Variants in ZNF17 observed in about 807,000 individuals in gnomAD.
The protein encoded by ZNF17 is zinc finger protein 17 (HPF3, KOX 10).
A neutral mutation model predicts 7.7 loss-of-function variants in ZNF17; 4 were observed. The ratio of observed to expected loss-of-function variants is 0.52; its 90% CI spans 0.26 to 1.20. The LOEUF (loss-of-function observed/expected upper bound fraction) is 1.20. Among genes scored for constraint, ZNF17 ranks in the 50% most tolerant of loss-of-function variants. ZNF17 has a pLI of 0.14. For synonymous variants in ZNF17, 249 were observed against 258.8 expected (o/e 0.96, Z 0.36); for missense variants, 738 against 799.5 (o/e 0.92, Z 0.93).
intron 2 of ZNF17, among the ~76,000 whole-genome samples, 163 bp from the exon 3 acceptor site, chr19:57,417,749 A>G (rs1241380060): frequency 6.6e-6 from 1 of 151,188 alleles, no homozygotes; most frequent in East Asian, 2.0e-4. Flanking sequence ...CAGGAGGCTG[A>G]GGCAGGAGAA....
At chr19:57,411,443 T>C in intron 1 of ZNF17, 37 bp downstream of exon 1, 2 of 1,605,384 alleles carry the variant, frequency 1.2e-6, no homozygotes, top group Non-Finnish European at 1.7e-6. Context: ...GCCCGATCCC[T>C]CCTCCGAGTG....
chr19:57,417,808 C>T (rs1334421609), intron 2 of ZNF17, 104 bp from the exon 3 acceptor site: 6 of 1,417,910 alleles, frequency 4.2e-6, no homozygotes, highest in Non-Finnish European at 5.8e-6. Flanking sequence ...GATCACACCA[C>T]TGCACTCCAG....
At chr19:57,413,529 G>A in intron 1 of ZNF17, 67 bp from the exon 2 acceptor site, 1 of 1,516,910 alleles carries the variant, frequency 6.6e-7, no homozygotes, top group Non-Finnish European at 8.8e-7. Context: ...GCCAGAGGTG[G>A]TTGTACAGTC....
At position 57,421,227 on chromosome 19, in the gene ZNF17, G is replaced by A. The variant is rs2088849419; in HGVS notation, c.1741G>A (p.Glu581Lys). 3 of 1,614,044 alleles carry A rather than the reference G, an allele frequency of 1.9e-6. No individual in the cohort carries two copies. The highest frequency in any genetic ancestry group is 2.5e-6 in the Non-Finnish European group (3 of 1,180,016). Residue 581 changes from glutamate to lysine, a missense_variant, in exon 4 of 4, where the codon GAA (glutamate) becomes AAA (lysine). By Grantham distance (56) the Glu-to-Lys change is moderately conservative. Coordinates refer to ENST00000307658, the MANE Select transcript of ZNF17 (RefSeq NM_001330617.2). The stretch of plus-strand genomic sequence containing the variant: ...TCGGCACCAAAAAGTTCACACTAGG[G>A]AAAGAACTTACAAATGCAGCAAATG... Reference protein sequence around the residue: ...LIRHQKVHTRERTYKCSKCGK... With the variant: ...LIRHQKVHTRKRTYKCSKCGK...
intron 1 of ZNF17, among the ~76,000 whole-genome samples, chr19:57,412,660 G>A (rs1002480799): frequency 1.3e-5 from 2 of 151,948 alleles, no homozygotes; most frequent in African/African-American, 2.4e-5. Context: ...TAGCTAGTAT[G>A]GTCTCTATCT....
intron 2 of ZNF17, 31 bp from the exon 3 acceptor site, chr19:57,417,881 C>G (rs1469530391): frequency 1.3e-6 from 2 of 1,587,196 alleles, no homozygotes; most frequent in Non-Finnish European, 1.7e-6. Context: ...AAAAAAGTTG[C>G]TCACAGACTA....
At chr19:57,419,604 A>G (rs890852854) in intron 3 of ZNF17, 31 bp from the exon 4 acceptor site, 1 of 1,583,160 alleles carries the variant, frequency 6.3e-7, no homozygotes, top group African/African-American at 1.3e-5. Flanking sequence ...CTCCAAAGTC[A>G]TCATGCACTT....
chr19:57,416,785 G>A (rs1462616943), intron 2 of ZNF17, among the ~76,000 whole-genome samples: 3 of 151,904 alleles, frequency 2.0e-5, no homozygotes, highest in Admixed American at 6.5e-5. Context: ...TGGGATTAGA[G>A]GCATGAGCCA....
rs537322370 is a variant in ZNF17, at chr19:57,411,470, G to A, written c.-21+64G>A. On this transcript the variant is annotated intron_variant, in intron 1 of 3. Coordinates refer to ENST00000307658, the MANE Select transcript of ZNF17 (RefSeq NM_001330617.2). ...CTCCGAGTGCCGAAGCCCCGAGGAG[G>A]GGCCCTGCAGGTCAGGCCCCTGTGT... The A allele has an allele frequency of 1.1e-5, 18 of 1,585,704 alleles. No homozygotes were observed. The African/African-American group carries it at 2.3e-4, about 20-fold the overall frequency.
rs538372230 is a variant in ZNF17, at chr19:57,420,166, A to G, written c.680A>G (p.Lys227Arg). ...CCTTATGAGTGCAGTGAATGTGGCA[A>G]ATTGTTTAGGTACAACTCCGACCTT... Reference protein sequence around the residue: ...ERPYECSECGKLFRYNSDLIK... With the variant: ...ERPYECSECGRLFRYNSDLIK... Residue 227 changes from lysine (K) to arginine (R), a missense_variant, in exon 4 of 4, where the codon AAA (lysine) becomes AGA (arginine). Coordinates refer to ENST00000307658, the MANE Select transcript of ZNF17 (RefSeq NM_001330617.2). 1 of 1,613,130 alleles carries G rather than the reference A, an allele frequency of 6.2e-7. No homozygotes were observed. Among genetic ancestry groups the G allele is most frequent in the Non-Finnish European group, 8.5e-7 (1 of 1,179,172 alleles).
Position 57,421,289 on chromosome 19 carries a change from T to G in ZNF17, c.1803T>G (p.Ser601Arg), listed in dbSNP as rs200916920. 5.6e-4 allele frequency: 899 copies of G among 1,613,572 alleles called. No homozygotes were observed. Among genetic ancestry groups the G allele is most frequent in the Non-Finnish European group, 7.2e-4 (845 of 1,179,868 alleles). ...KFFMDSSTLISHERVHTGEKP... is the reference protein window; with the variant it reads ...KFFMDSSTLIRHERVHTGEKP... The stretch of plus-strand genomic sequence containing the variant: ...TTATGGACAGCTCCACACTCATTAG[T>G]CATGAGAGAGTTCATACTGGAGAAA... Residue 601 changes from serine to arginine, a missense_variant, in exon 4 of 4, where the codon AGT (serine) becomes AGG (arginine). Physicochemically the swap from Ser to Arg is moderately radical, Grantham distance 110. This residue lies in a region of ZNF17 where 116 missense variants were observed against 114.0 expected (regional missense o/e 1.02). Transcript: ENST00000307658.
rs1402918632 is a variant in ZNF17, at chr19:57,421,200, A to T, written c.1714A>T (p.Ile572Phe). Reference sequence around the variant, plus strand: ...AGTTTTTAGCCAAAATTCCCACCTCATTCGGCACCAAAAAGTTCACACTAG... The same window carrying T: ...AGTTTTTAGCCAAAATTCCCACCTCTTTCGGCACCAAAAAGTTCACACTAG... ...GRVFSQNSHL[I>F]RHQKVHTRER... is the part of the protein sequence containing the mutation. Residue 572 changes from isoleucine (I) to phenylalanine (F), a missense_variant, in exon 4 of 4, where the codon ATT becomes TTT. Transcript: ENST00000307658. 6.2e-7 allele frequency: 1 copy of T among 1,614,084 alleles called. No individual in the cohort carries two copies. The highest frequency in any genetic ancestry group is 8.5e-7 in the Non-Finnish European group (1 of 1,180,048).
Position 57,420,795 on chromosome 19 carries a change from G to A in ZNF17, c.1309G>A (p.Val437Ile). 2 of 1,613,882 alleles carry A rather than the reference G, an allele frequency of 1.2e-6. No individual in the cohort carries two copies. Among genetic ancestry groups the A allele is most frequent in the Non-Finnish European group, 1.7e-6 (2 of 1,179,970 alleles). ...DTSTLIIHQRVHTGEKPYECN... is the reference protein window; with the variant it reads ...DTSTLIIHQRIHTGEKPYECN... Reference sequence around the variant, plus strand: ...TTCCACACTCATTATTCATCAGAGAGTTCATACTGGAGAAAAGCCTTATGA... The same window carrying A: ...TTCCACACTCATTATTCATCAGAGAATTCATACTGGAGAAAAGCCTTATGA... Residue 437 changes from valine (V) to isoleucine (I), a missense_variant, in exon 4 of 4, where the codon GTT becomes ATT. By Grantham distance (29) the Val-to-Ile change is conservative. This residue lies in a region of ZNF17 where 616 missense variants were observed against 663.9 expected (regional missense o/e 0.93). Transcript: ENST00000307658.
In ZNF17 at chr19:57,420,353, T is replaced by TCACCTAC; in HGVS notation, c.868_874dup (p.Leu292ProfsTer18). The TCACCTAC allele has an allele frequency of 6.2e-7, 1 of 1,613,322 alleles. No homozygotes were observed. ...GTGGGAAAGCTTTTCTTAGAAAGTCTCACCTACTTCAGCACCAGAGGATTC... is the reference window on the plus strand; with the variant it reads ...GTGGGAAAGCTTTTCTTAGAAAGTCTCACCTACCACCTACTTCAGCACCAGAGGATTC... On this transcript the variant is annotated frameshift_variant, in exon 4 of 4. Transcript: ENST00000307658. LOFTEE classifies it low-confidence loss of function (END_TRUNC).
At chr19:57,415,453 G>A (rs10412943) in intron 2 of ZNF17, among the ~76,000 whole-genome samples, 38,849 of 152,056 alleles carry the variant, frequency 0.26, 5,224 homozygotes, top group African/African-American at 0.3. Context: ...GGAGTTCAAT[G>A]GAGGTGTTCA....
In ZNF17 at chr19:57,421,561, A is replaced by G; in HGVS notation, c.*80A>G. The G allele has an allele frequency of 6.9e-7, 1 of 1,455,888 alleles. No individual in the cohort carries two copies. Among genetic ancestry groups the G allele is most frequent in the Admixed American group, 2.3e-5 (1 of 42,934 alleles). The allele number at this position is 1,455,888 out of a possible 1,614,324, so 90.2% of individuals were successfully genotyped here. A position where few individuals can be genotyped will look rare whatever the true frequency, so the allele number is the denominator to read the frequency against. ...TTTAGCACTGGGACCTACGTTTTAA[A>G]AAAAGTATTCTTGTAGAATACAGAT... is the stretch of plus-strand genomic sequence containing the variant. On this transcript the variant is annotated 3_prime_UTR_variant, in exon 4 of 4. Coordinates refer to ENST00000307658, the MANE Select transcript of ZNF17 (RefSeq NM_001330617.2).
Position 57,413,512 on chromosome 19 carries a change from T to C in ZNF17, c.-20-84T>C, listed in dbSNP as rs966106677. On this transcript the variant is annotated intron_variant, in intron 1 of 3. Coordinates refer to ENST00000307658, the MANE Select transcript of ZNF17 (RefSeq NM_001330617.2). Reference sequence around the variant, plus strand: ...GTACCCTCAGATAACTTTGCTCTAGTTGCAGGGCCAGAGGTGGTTGTACAG... The same window carrying C: ...GTACCCTCAGATAACTTTGCTCTAGCTGCAGGGCCAGAGGTGGTTGTACAG... 3.4e-6 allele frequency: 5 copies of C among 1,457,148 alleles called. No homozygotes were observed. The African/African-American group carries it at 7.0e-5, about 20-fold the overall frequency. The allele number at this position is 1,457,148 out of a possible 1,614,324, so 90.3% of individuals were successfully genotyped here. A position where few individuals can be genotyped will look rare whatever the true frequency, so the allele number is the denominator to read the frequency against.
At position 57,421,368 on chromosome 19, in the gene ZNF17, A is replaced by C. The variant is rs755041124; in HGVS notation, c.1882A>C (p.Ile628Leu). 6.2e-7 allele frequency: 1 copy of C among 1,614,088 alleles called. No homozygotes were observed. The highest frequency in any genetic ancestry group is 8.5e-7 in the Non-Finnish European group (1 of 1,180,050). ...AGTCTTTAGATACAACTCCAGCCTCATTAAACATCGGAGAATTCACACTGG... is the reference window on the plus strand; with the variant it reads ...AGTCTTTAGATACAACTCCAGCCTCCTTAAACATCGGAGAATTCACACTGG... Reference protein sequence around the residue: ...GKVFRYNSSLIKHRRIHTGER... With the variant: ...GKVFRYNSSLLKHRRIHTGER... The change falls in exon 4 of 4, where the codon ATT (isoleucine) becomes CTT (leucine). Residue 628 changes from isoleucine to leucine, a missense_variant. This residue lies in a region of ZNF17 where 116 missense variants were observed against 114.0 expected (regional missense o/e 1.02). Transcript: ENST00000307658.
Position 57,421,834 on chromosome 19 carries a change from T to G in ZNF17, c.*353T>G, listed in dbSNP as rs2088854257. ...TCTTGTGGTTTATTTTGTGGCTTATTTTGCTTAACGTTATATTTTTAAGGT... is the reference window on the plus strand; with the variant it reads ...TCTTGTGGTTTATTTTGTGGCTTATGTTGCTTAACGTTATATTTTTAAGGT... On this transcript the variant is annotated 3_prime_UTR_variant, in exon 4 of 4. Transcript: ENST00000307658. 5.4e-6 allele frequency: 1 copy of G among 183,814 alleles called. No individual in the cohort carries two copies. The highest frequency in any genetic ancestry group is 1.1e-5 in the Non-Finnish European group (1 of 89,462). 11.4% of individuals were successfully genotyped at this position (183,814 alleles called of 1,614,324 possible).
Sources: allele counts gnomAD v4.1 joint callset (sites outside exome capture counted in the v4.1 genomes callset), GRCh38; gene constraint gnomAD v4.1.1; regional missense constraint gnomAD v4.1.1; transcripts MANE v1.5; gene names NCBI Gene and HGNC (gene_info 2026-07-23, HGNC 2026-07-21).